Variants in AMOTL1 observed in about 807,000 individuals in gnomAD.
AMOTL1 encodes the protein angiomotin like 1.
A neutral mutation model predicts 102.9 loss-of-function variants in AMOTL1; 45 were observed. The observed-to-expected ratio is 0.44, with a 90% CI of 0.34 to 0.56. The LOEUF is 0.56. AMOTL1 is among the 20% of genes least tolerant of loss of function. The pLI is 0.01. For missense variants in AMOTL1, 1,114 were observed against 1,225.6 expected, an observed-to-expected ratio of 0.91 and a Z score of 1.36; for synonymous variants, 481 against 484.7, an observed-to-expected ratio of 0.99 and a Z score of 0.10.
chr11:94,861,009 G>T (rs1952763084), intron 9 of AMOTL1, among the ~76,000 whole-genome samples: 2 of 152,198 alleles, frequency 1.3e-5, no homozygotes, highest in African/African-American at 4.8e-5. Flanking sequence ...TCGGGCGTTG[G>T]TGTCTGCAGT....
intron 4 of AMOTL1, among the ~76,000 whole-genome samples, chr11:94,827,183 G>A (rs924980969): frequency 6.6e-6 from 1 of 152,252 alleles, no homozygotes; most frequent in Non-Finnish European, 1.5e-5. Context: ...GAGCCGCACA[G>A]TGCAGATGCA....
At chr11:94,727,697 A>T (rs1382830629) in intron 1 of AMOTL1, among the ~76,000 whole-genome samples, 1 of 152,094 alleles carries the variant, frequency 6.6e-6, no homozygotes, top group African/African-American at 2.4e-5. Flanking sequence ...TTTATTGATA[A>T]GTCTAACGTT....
chr11:94,730,352 C>A (rs907345649), intron 2 of AMOTL1, among the ~76,000 whole-genome samples: 2 of 152,172 alleles, frequency 1.3e-5, no homozygotes, highest in African/African-American at 2.4e-5. Context: ...ATTATCATCT[C>A]TCTTCCACTT....
chr11:94,809,862 T>C (rs2135593921), intron 3 of AMOTL1, among the ~76,000 whole-genome samples: 1 of 152,296 alleles, frequency 6.6e-6, no homozygotes, highest in Non-Finnish European at 1.5e-5. Context: ...GTTTTTTTTC[T>C]GATAAAGTGT....
Position 94,868,957 on chromosome 11 carries a change from C to CA in AMOTL1, c.2489-233dup, listed in dbSNP as rs546762415. Among the ~76,000 whole-genome samples, 489 of 143,588 alleles carry CA rather than the reference C, an allele frequency of 3.4e-3. 7 individuals are homozygous for CA. The highest frequency in any genetic ancestry group is 0.022 in the South Asian group (96 of 4,382). 94.2% of individuals were successfully genotyped at this position (143,588 alleles called of 152,430 possible). ...ACTTCTCCACTCCAAAAAAAAAAAA[C>CA]AAAAAAAACACACAAAAAAAACCTA... On this transcript the variant is annotated intron_variant, in intron 11 of 12. Coordinates refer to ENST00000433060, the MANE Select transcript of AMOTL1 (RefSeq NM_130847.3).
chr11:94,738,259 CTTT>C (rs10598219), intron 2 of AMOTL1, among the ~76,000 whole-genome samples: 362 of 138,962 alleles, frequency 2.6e-3, no homozygotes, highest in East Asian at 3.2e-3. Context: ...TAATTTTGTG[CTTT>C]TTTTTTTTTT....
rs137856319 is a variant in AMOTL1, at chr11:94,773,164, A to G, written c.49+4604A>G. Among the ~76,000 whole-genome samples, 4 of 152,300 alleles carry G rather than the reference A, an allele frequency of 2.6e-5. No homozygotes were observed. In the East Asian group the frequency reaches 7.7e-4, roughly 29 times the overall value. ...ACATATATTTTCCCAAGTATGTAGC[A>G]TGTCTTTTTATGTCCTTACCAAGGT... On this transcript the variant is annotated intron_variant, in intron 1 of 12. Coordinates refer to ENST00000433060, the MANE Select transcript of AMOTL1 (RefSeq NM_130847.3).
At chr11:94,807,747 A>G (rs560280120) in intron 3 of AMOTL1, among the ~76,000 whole-genome samples, 1 of 151,976 alleles carries the variant, frequency 6.6e-6, no homozygotes, top group Admixed American at 6.6e-5. Context: ...TGCATATGTC[A>G]CTGTTACTGA....
intron 6 of AMOTL1, among the ~76,000 whole-genome samples, chr11:94,842,269 G>A (rs958693206): frequency 1.3e-5 from 2 of 152,134 alleles, no homozygotes; most frequent in Non-Finnish European, 1.5e-5. Context: ...GAAGGGTTTC[G>A]ACGCACCGTG....
intron 1 of AMOTL1, among the ~76,000 whole-genome samples, chr11:94,783,377 AT>A (rs1951138284): frequency 6.6e-6 from 1 of 152,150 alleles, no homozygotes; most frequent in Admixed American, 6.5e-5. Flanking sequence ...TAGAAATTTT[AT>A]TTTCCAGCAT....
chr11:94,722,199 T>C (rs1950184980), intron 1 of AMOTL1, among the ~76,000 whole-genome samples: 1 of 152,166 alleles, frequency 6.6e-6, no homozygotes, highest in Admixed American at 6.5e-5. Context: ...AACTAGCACA[T>C]ATCAATGGAT....
At chr11:94,789,969 T>TAA (rs1951255438) in intron 1 of AMOTL1, among the ~76,000 whole-genome samples, 4 of 152,194 alleles carry the variant, frequency 2.6e-5, no homozygotes, top group Admixed American at 2.6e-4. Context: ...TGGGAGTTGT[T>TAA]CTGCAGTTAG....
intron 6 of AMOTL1, among the ~76,000 whole-genome samples, chr11:94,835,788 G>A (rs894736940): frequency 1.3e-5 from 2 of 152,196 alleles, no homozygotes; most frequent in African/African-American, 4.8e-5. Flanking sequence ...GTTAAATGAT[G>A]TGCCTCTCTA....
At chr11:94,835,321 T>A (rs1233232377) in intron 6 of AMOTL1, among the ~76,000 whole-genome samples, 1 of 152,196 alleles carries the variant, frequency 6.6e-6, no homozygotes, top group Non-Finnish European at 1.5e-5. Flanking sequence ...AGGTTCTCAT[T>A]TTTCCCATTT....
Position 94,799,893 on chromosome 11 carries a change from A to G in AMOTL1, c.703A>G (p.Thr235Ala). 1.2e-6 allele frequency: 2 copies of G among 1,602,074 alleles called. No individual in the cohort carries two copies. Among genetic ancestry groups the G allele is most frequent in the Middle Eastern group, 1.7e-4 (1 of 6,018 alleles). The change falls in exon 3 of 13, where the codon ACT (threonine) becomes GCT (alanine). Residue 235 changes from threonine (T) to alanine (A), a missense_variant. Transcript: ENST00000433060. The surrounding 1 kb of genome is among the most constrained non-coding windows in gnomAD (Gnocchi z 4.5). Reference protein sequence around the residue: ...SQKSRTEGRPTVNRANSGQAH... With the variant: ...SQKSRTEGRPAVNRANSGQAH... ...GAAGTCCCGAACTGAGGGGAGGCCC[A>G]CTGTGAACCGTGCCAACAGTGGACA...
At chr11:94,837,503 A>G (rs1156502506) in intron 6 of AMOTL1, among the ~76,000 whole-genome samples, 2 of 152,232 alleles carry the variant, frequency 1.3e-5, no homozygotes, top group African/African-American at 4.8e-5. Context: ...AGCCTCACTG[A>G]CTTTGGAAAG....
At chr11:94,800,971 G>A (rs2135575470) in intron 3 of AMOTL1, among the ~76,000 whole-genome samples, 1 of 152,308 alleles carries the variant, frequency 6.6e-6, no homozygotes, top group Middle Eastern at 3.4e-3. Flanking sequence ...GTACTCTGAA[G>A]CCCTGTTCCT....
intron 1 of AMOTL1, among the ~76,000 whole-genome samples, chr11:94,794,302 T>C (rs747917918): frequency 9.9e-5 from 15 of 152,282 alleles, no homozygotes; most frequent in Middle Eastern, 3.4e-3. Flanking sequence ...TTCCCATGGA[T>C]GTTGTGTGTG....
intron 8 of AMOTL1, among the ~76,000 whole-genome samples, chr11:94,856,093 T>C (rs1466670917): frequency 2.6e-5 from 4 of 152,210 alleles, no homozygotes; most frequent in African/African-American, 7.2e-5. Flanking sequence ...ATGAGAGCAT[T>C]AATCTGCCTC....
Sources: gnomAD v4.1 joint callset for allele counts (sites outside exome capture counted in the v4.1 genomes callset) on GRCh38, gnomAD v4.1.1 for gene constraint, Gnocchi (gnomAD v3.1) non-coding constraint, MANE v1.5 for transcripts, NCBI Gene and HGNC (gene_info 2026-07-23, HGNC 2026-07-21) for gene names.